DCPH1: variants seen among roughly 807,000 people sequenced by gnomAD.
The protein encoded by DCPH1 is damage-control phosphatase 1.
At chr6:151,468,544 A>G in the DCPH1 span, 1 of 1,614,070 alleles carries the variant, frequency 6.2e-7, no homozygotes, top group Non-Finnish European at 8.5e-7. Context: ...TGTTCTCGAT[A>G]ATTCTGGATT....
the DCPH1 span, among the ~76,000 whole-genome samples, chr6:151,453,176 C>A: frequency 2.6e-5 from 4 of 152,164 alleles, no homozygotes. Context: ...TTGAGGCCAA[C>A]AAAGTGGCGC....
At chr6:151,452,668 C>G in the DCPH1 span, 1 of 1,390,520 alleles carries the variant, frequency 7.2e-7, no homozygotes, top group African/African-American at 1.5e-5. Context: ...GGAGGGCGCC[C>G]GCTCCCCGGT....
chr6:151,452,565 C>G, the DCPH1 span: 9 of 1,611,794 alleles, frequency 5.6e-6, no homozygotes, highest in Non-Finnish European at 6.8e-6. Flanking sequence ...GTCCCGGCGT[C>G]TCTCTCAGGA....
At chr6:151,463,501 A>G in the DCPH1 span, among the ~76,000 whole-genome samples, 1 of 152,196 alleles carries the variant, frequency 6.6e-6, no homozygotes, top group African/African-American at 2.4e-5. Context: ...ATAGGTTCTG[A>G]AGAAAATTCC....
chr6:151,461,340 AT>A, the DCPH1 span, among the ~76,000 whole-genome samples: 1 of 152,126 alleles, frequency 6.6e-6, no homozygotes, highest in African/African-American at 2.4e-5. Context: ...CTGCACATTT[AT>A]GACCCAGTTG....
At chr6:151,468,964 C>T in the DCPH1 span, 3 of 1,614,106 alleles carry the variant, frequency 1.9e-6, no homozygotes, top group Admixed American at 1.7e-5. Flanking sequence ...TGGCTTCCAT[C>T]CTGCACCACT....
chr6:151,468,868 A>AT, the DCPH1 span: 1 of 1,614,012 alleles, frequency 6.2e-7, no homozygotes, highest in Non-Finnish European at 8.5e-7. Context: ...GGCACATTTA[A>AT]TTTTATTCAA....
the DCPH1 span, among the ~76,000 whole-genome samples, chr6:151,459,117 C>T: frequency 1.3e-5 from 2 of 152,180 alleles, no homozygotes; most frequent in African/African-American, 4.8e-5. Context: ...AGCCTGAGCA[C>T]CGGAGTGAAA....
At chr6:151,452,625 C>G in the DCPH1 span, 2 of 1,586,964 alleles carry the variant, frequency 1.3e-6, no homozygotes, top group African/African-American at 1.4e-5. Flanking sequence ...TTGCGGAAAG[C>G]CGGGCCTCGC....
At chr6:151,458,112 G>T in the DCPH1 span, among the ~76,000 whole-genome samples, 1 of 151,992 alleles carries the variant, frequency 6.6e-6, no homozygotes, top group African/African-American at 2.4e-5. Flanking sequence ...ATACAGAAAG[G>T]CCAGAACTTA....
At chr6:151,457,867 T>C in the DCPH1 span, among the ~76,000 whole-genome samples, 2 of 152,178 alleles carry the variant, frequency 1.3e-5, no homozygotes, top group African/African-American at 4.8e-5. Flanking sequence ...TGGCCTGTTA[T>C]GTGAGATAAT....
At chr6:151,469,187 T>TGGGG in the DCPH1 span, 9 of 1,291,158 alleles carry the variant, frequency 7.0e-6, no homozygotes, top group African/African-American at 1.5e-5. Context: ...GCACGTGAAT[T>TGGGG]GAGTCGCCTG....
At chr6:151,469,058 G>A in the DCPH1 span, 1 of 1,614,016 alleles carries the variant, frequency 6.2e-7, no homozygotes, top group Non-Finnish European at 8.5e-7. Flanking sequence ...TCTGAGCCCA[G>A]CTGGTGGACC....
chr6:151,454,663 GTTTTAAC>G, the DCPH1 span: 1 of 1,322,620 alleles, frequency 7.6e-7, no homozygotes, highest in Non-Finnish European at 1.1e-6. Context: ...GGTAAGAATT[GTTTTAAC>G]TTTTAATTTT....
At chr6:151,468,528 G>A in the DCPH1 span, 1 of 1,613,904 alleles carries the variant, frequency 6.2e-7, no homozygotes, top group Non-Finnish European at 8.5e-7. Flanking sequence ...CTACTAGAGT[G>A]TATATTGTTC....
the DCPH1 span, among the ~76,000 whole-genome samples, chr6:151,468,073 T>A: frequency 3.3e-5 from 5 of 152,370 alleles, no homozygotes; most frequent in East Asian, 9.6e-4. Flanking sequence ...TTATTCTGAA[T>A]AAACAATGTG....
chr6:151,458,197 T>C, the DCPH1 span: 1 of 1,191,426 alleles, frequency 8.4e-7, no homozygotes, highest in Non-Finnish European at 1.2e-6. Flanking sequence ...GTTCTAAATG[T>C]AATGTTTAAA....
chr6:151,452,529 C>G, the DCPH1 span: 1 of 1,611,196 alleles, frequency 6.2e-7, no homozygotes, highest in South Asian at 1.1e-5. Context: ...GCTTTGCGGC[C>G]GGGATCGCGG....
chr6:151,459,612 CG>C, the DCPH1 span, among the ~76,000 whole-genome samples: 93 of 151,830 alleles, frequency 6.1e-4, 4 homozygotes, highest in Non-Finnish European at 3.8e-4. Context: ...GTGAGCGTGG[CG>C]AAACCCCGTC....
Sources: allele counts gnomAD v4.1 joint callset (sites outside exome capture counted in the v4.1 genomes callset), GRCh38; gene constraint gnomAD v4.1.1; transcripts MANE v1.5; gene names NCBI Gene and HGNC (gene_info 2026-07-23, HGNC 2026-07-21).